DMD: variants seen among roughly 807,000 people sequenced by gnomAD.
The protein encoded by DMD is dystrophin, also known as mutant dystrophin.
DMD carries 63 observed loss-of-function variants against 330.1 expected under a neutral mutation model. The observed-to-expected ratio is 0.19, with a 90% CI of 0.16 to 0.24. The LOEUF is 0.24. DMD is among the 10% of genes least tolerant of loss of function. The pLI is 1.00. For synonymous variants in DMD, 1,223 were observed against 959.8 expected, an observed-to-expected ratio of 1.27 and a Z score of -5.07; for missense variants, 3,344 against 2,684.1, an observed-to-expected ratio of 1.25 and a Z score of -5.43.
At chrX:32,682,352 T>C (rs1378996753) in intron 9 of DMD, among the ~76,000 whole-genome samples, 1 of 111,405 alleles carries the variant, frequency 9.0e-6, no homozygotes, top group African/African-American at 3.3e-5. Flanking sequence ...ACATAGTAAG[T>C]GAACATATTA....
At chrX:31,191,562 G>A (rs1190218531) in intron 67 of DMD, among the ~76,000 whole-genome samples, 8 of 111,196 alleles carry the variant, frequency 7.2e-5, no homozygotes, top group African/African-American at 2.3e-4. Context: ...CACACTATCT[G>A]ATGGTTTTAA....
Position 32,468,566 on chromosome X carries a change from G to T in DMD, c.3094C>A (p.Leu1032Ile), listed in dbSNP as rs1315915548. Reference sequence around the variant, plus strand: ...CAATGCTCAACCAGCTGGGAGGAGAGCTTCTTCCAGCGTCCCTCAATTTCT... The same window carrying T: ...CAATGCTCAACCAGCTGGGAGGAGATCTTCTTCCAGCGTCCCTCAATTTCT... Reference protein sequence around the residue: ...FEEIEGRWKKLSSQLVEHCQK... With the variant: ...FEEIEGRWKKISSQLVEHCQK... The change falls in exon 23 of 79, where the codon CTC becomes ATC. Residue 1032 changes from leucine (L) to isoleucine (I), a missense_variant. Physicochemically the swap from Leu to Ile is conservative, Grantham distance 5. Coordinates refer to ENST00000357033, the MANE Select transcript of DMD (RefSeq NM_004006.3). 1.7e-6 allele frequency: 2 copies of T among 1,210,484 alleles called. No homozygotes were observed. Among genetic ancestry groups the T allele is most frequent in the South Asian group, 1.8e-5 (1 of 56,846 alleles).
At chrX:32,206,130 T>C in intron 44 of DMD, 2 of 518,277 alleles carry the variant, frequency 3.9e-6, no homozygotes, top group Admixed American at 4.6e-5. Flanking sequence ...TTTGAAAATG[T>C]CTGTACAGCC....
At chrX:32,413,068 G>T (rs957387802) in intron 29 of DMD, among the ~76,000 whole-genome samples, 1 of 110,472 alleles carries the variant, frequency 9.1e-6, no homozygotes, top group African/African-American at 3.3e-5. Context: ...CATAAATTTT[G>T]ACTCCATTAA....
At chrX:31,925,398 TA>T (rs1193442170) in intron 47 of DMD, among the ~76,000 whole-genome samples, 1 of 110,787 alleles carries the variant, frequency 9.0e-6, no homozygotes, top group East Asian at 2.8e-4. Context: ...AATGGGTAGT[TA>T]AAAAAATACC....
chrX:32,689,647 T>C (rs1309867853), intron 9 of DMD, among the ~76,000 whole-genome samples: 1 of 110,449 alleles, frequency 9.1e-6, no homozygotes, highest in African/African-American at 3.3e-5. Flanking sequence ...AGAGGCAAAA[T>C]TCTCAACAAA....
intron 7 of DMD, among the ~76,000 whole-genome samples, chrX:32,757,923 C>A (rs958949268): frequency 1.8e-5 from 2 of 111,238 alleles, no homozygotes; most frequent in Non-Finnish European, 3.8e-5. Context: ...GGGTTAACAC[C>A]CTTTCACTTC....
chrX:32,745,815 T>G lies in DMD; in HGVS notation c.650-46522A>C, dbSNP rs1036345078. On this transcript the variant is annotated intron_variant, in intron 7 of 78. Transcript: ENST00000357033. ...CTATGATCACGATTTGTATAAGTAATGTAGTCATATAGTCGAAGACTTTTC... is the reference window on the plus strand; with the variant it reads ...CTATGATCACGATTTGTATAAGTAAGGTAGTCATATAGTCGAAGACTTTTC... Among the ~76,000 whole-genome samples the G allele has an allele frequency of 2.7e-5, 3 of 112,424 alleles. No individual in the cohort carries two copies. The Admixed American group carries it at 2.8e-4, about 11-fold the overall frequency.
chrX:31,911,018 A>C (rs1244404698), intron 47 of DMD, among the ~76,000 whole-genome samples: 3 of 112,280 alleles, frequency 2.7e-5, no homozygotes, highest in Non-Finnish European at 3.8e-5. Context: ...TTGTGACTAC[A>C]TGGCAGTTTG....
chrX:32,398,060 T>C (rs1024938376), intron 30 of DMD, among the ~76,000 whole-genome samples: 1 of 110,825 alleles, frequency 9.0e-6, no homozygotes, highest in Non-Finnish European at 1.9e-5. Flanking sequence ...AATGGCCACA[T>C]ATCACACGTA....
At chrX:32,939,416 A>T (rs960131994) in intron 2 of DMD, among the ~76,000 whole-genome samples, 3 of 110,718 alleles carry the variant, frequency 2.7e-5, no homozygotes, top group Non-Finnish European at 5.7e-5. Flanking sequence ...AAAAATGATG[A>T]TGTAGACAGA....
intron 44 of DMD, among the ~76,000 whole-genome samples, chrX:32,139,397 G>A (rs1394272306): frequency 8.9e-6 from 1 of 112,350 alleles, no homozygotes; most frequent in Non-Finnish European, 1.9e-5. Context: ...GACATGATCA[G>A]TGAGTTTTAA....
intron 1 of DMD, among the ~76,000 whole-genome samples, chrX:33,102,627 A>AT (rs1357886184): frequency 9.0e-6 from 1 of 111,654 alleles, no homozygotes; most frequent in African/African-American, 3.3e-5. Context: ...TGCTTTATTG[A>AT]TTCCACTACA....
intron 44 of DMD, among the ~76,000 whole-genome samples, chrX:32,093,285 C>A (rs1303732266): frequency 8.9e-6 from 1 of 111,963 alleles, no homozygotes; most frequent in African/African-American, 3.2e-5. Flanking sequence ...GATTCCATAT[C>A]ATGGCTAGTA....
At chrX:32,562,076 G>A (rs778763750) in intron 16 of DMD, among the ~76,000 whole-genome samples, 1 of 111,796 alleles carries the variant, frequency 8.9e-6, no homozygotes, top group East Asian at 2.8e-4. Flanking sequence ...AGAAAAAACT[G>A]CACAAATTAC....
At chrX:32,173,066 G>GGT (rs3040089) in intron 44 of DMD, among the ~76,000 whole-genome samples, 8,485 of 89,497 alleles carry the variant, frequency 0.095, 361 homozygotes, top group Admixed American at 0.15. Context: ...ACCTGATTTT[G>GGT]GTGTGTGTGT....
chrX:33,318,836 T>C (rs1244257741), intron 1 of DMD, among the ~76,000 whole-genome samples: 1 of 111,174 alleles, frequency 9.0e-6, no homozygotes, highest in Non-Finnish European at 1.9e-5. Flanking sequence ...CTTCTTAACA[T>C]GCTCATGTTA....
At chrX:32,466,584 G>A (rs749345351) in intron 23 of DMD, among the ~76,000 whole-genome samples, 1 of 110,816 alleles carries the variant, frequency 9.0e-6, no homozygotes, top group Non-Finnish European at 1.9e-5. Context: ...CATCCACCAG[G>A]GCATAATGTA....
At chrX:32,294,989 C>T (rs2097489624) in intron 42 of DMD, among the ~76,000 whole-genome samples, 3 of 111,435 alleles carry the variant, frequency 2.7e-5, no homozygotes, top group South Asian at 3.8e-4. Context: ...TAGAATATAG[C>T]ATTTCTATTT....
Sources: allele counts gnomAD v4.1 joint callset (sites outside exome capture counted in the v4.1 genomes callset), GRCh38; gene constraint gnomAD v4.1.1; transcripts MANE v1.5; gene names NCBI Gene and HGNC (gene_info 2026-07-23, HGNC 2026-07-21).